Variants in PCSK2 observed in about 807,000 individuals in gnomAD.
PCSK2 encodes the protein neuroendocrine convertase 2.
PCSK2 carries 14 observed loss-of-function variants against 69.7 expected under a neutral mutation model. The ratio of observed to expected loss-of-function variants is 0.20; its 90% confidence interval spans 0.13 to 0.31. The LOEUF (loss-of-function observed/expected upper bound fraction) is 0.31. Among genes scored for constraint, PCSK2 ranks in the 10% least tolerant of loss-of-function variants. The pLI is 1.00. For missense variants in PCSK2, 544 were observed against 842.5 expected (o/e 0.65, Z 4.39); for synonymous variants, 307 against 320.7 (o/e 0.96, Z 0.46).
At chr20:17,424,015 G>T (rs1482270485) in intron 6 of PCSK2, among the ~76,000 whole-genome samples, 2 of 152,320 alleles carry the variant, frequency 1.3e-5, no homozygotes, top group East Asian at 3.9e-4. Context: ...GTAGTACATA[G>T]CCATATAACC....
chr20:17,363,001 A>G (rs986969798), intron 4 of PCSK2, among the ~76,000 whole-genome samples: 2 of 152,208 alleles, frequency 1.3e-5, no homozygotes, highest in Admixed American at 6.5e-5. Context: ...TCTCTTAACG[A>G]CCTGCACGCA....
chr20:17,383,678 C>G (rs1422249498), intron 5 of PCSK2, among the ~76,000 whole-genome samples: 2 of 151,576 alleles, frequency 1.3e-5, no homozygotes, highest in East Asian at 3.9e-4. Flanking sequence ...GGAAAAAAAC[C>G]AACATGAGCA....
intron 2 of PCSK2, among the ~76,000 whole-genome samples, chr20:17,278,830 C>T (rs1295107677): frequency 6.6e-6 from 1 of 151,854 alleles, no homozygotes; most frequent in Non-Finnish European, 1.5e-5. Flanking sequence ...GCCTGGGCAA[C>T]AGAGCAAGAC....
At chr20:17,243,408 C>T (rs1257032788) in intron 1 of PCSK2, among the ~76,000 whole-genome samples, 2 of 152,174 alleles carry the variant, frequency 1.3e-5, no homozygotes, top group African/African-American at 4.8e-5. Context: ...CAATGTTGCC[C>T]AGGCTGGTCT....
At chr20:17,316,006 C>A (rs942242535) in intron 2 of PCSK2, among the ~76,000 whole-genome samples, 1 of 152,214 alleles carries the variant, frequency 6.6e-6, no homozygotes, top group African/African-American at 2.4e-5. Flanking sequence ...GGAGCGAGTG[C>A]GCCACAGAGA....
At position 17,382,339 on chromosome 20, in the gene PCSK2, C is replaced by T. The variant is rs543548366; in HGVS notation, c.543+13062C>T. Among the ~76,000 whole-genome samples, 6 of 152,276 alleles carry T rather than the reference C, an allele frequency of 3.9e-5. No individual in the cohort carries two copies. The South Asian group carries it at 1.2e-3, about 32-fold the overall frequency. On this transcript the variant is annotated intron_variant, in intron 5 of 11. Transcript: ENST00000262545. ...AGCCAGTGAAGTGGGTACTTTCTTA[C>T]CCACCTGTCATAGACGGGAAACTGA...
At chr20:17,346,909 C>T (rs906344200) in intron 2 of PCSK2, among the ~76,000 whole-genome samples, 2 of 152,164 alleles carry the variant, frequency 1.3e-5, no homozygotes, top group African/African-American at 2.4e-5. Context: ...TGCCTTGGCA[C>T]CTCGCTCCAC....
At chr20:17,353,897 A>G (rs2030102491) in intron 2 of PCSK2, among the ~76,000 whole-genome samples, 1 of 152,206 alleles carries the variant, frequency 6.6e-6, no homozygotes. Flanking sequence ...TAACACCTGA[A>G]CAGAAAGACA....
rs2123406692 is a variant in PCSK2, at chr20:17,468,594, A to G, written c.1430+3041A>G. ...CTGCTGTAGACGGGCAGCCTACCAT[A>G]GGTCAGCTCCTCCACGGGCCAGTGT... On this transcript the variant is annotated intron_variant, in intron 11 of 11. Coordinates refer to ENST00000262545, the MANE Select transcript of PCSK2 (RefSeq NM_002594.5). 2.0e-5 allele frequency among the ~76,000 whole-genome samples: 3 copies of G among 146,342 alleles called. No individual in the cohort carries two copies. In the South Asian group the frequency reaches 6.6e-4, roughly 32 times the overall value.
intron 2 of PCSK2, among the ~76,000 whole-genome samples, chr20:17,269,958 A>T (rs996812354): frequency 6.6e-6 from 1 of 152,174 alleles, no homozygotes; most frequent in Non-Finnish European, 1.5e-5. Flanking sequence ...TCAGAAAGAT[A>T]TAGTTTTTAA....
intron 2 of PCSK2, among the ~76,000 whole-genome samples, chr20:17,282,888 A>G (rs1258084087): frequency 6.6e-6 from 1 of 152,170 alleles, no homozygotes; most frequent in South Asian, 2.1e-4. Context: ...GCAGGATTTG[A>G]AGATTATTCA....
At chr20:17,349,467 G>A (rs2029905932) in intron 2 of PCSK2, among the ~76,000 whole-genome samples, 1 of 152,102 alleles carries the variant, frequency 6.6e-6, no homozygotes, top group Non-Finnish European at 1.5e-5. Context: ...GTCACTATCT[G>A]GTGCCCAGCT....
chr20:17,360,656 C>A lies in PCSK2; in HGVS notation c.505+16C>A, dbSNP rs780603801. The A allele has an allele frequency of 6.9e-7, 1 of 1,446,206 alleles. No homozygotes were observed. The highest frequency in any genetic ancestry group is 9.7e-7 in the Non-Finnish European group (1 of 1,030,514). 89.6% of individuals were successfully genotyped at this position (1,446,206 alleles called of 1,614,324 possible). A position where few individuals can be genotyped will look rare whatever the true frequency, so the allele number is the denominator to read the frequency against. Reference sequence around the variant, plus strand: ...ATGGATGATGGTGAGTATTTTGAAGCCTGTGCCTCATTTGGAAATAAGCGT... The same window carrying A: ...ATGGATGATGGTGAGTATTTTGAAGACTGTGCCTCATTTGGAAATAAGCGT... On this transcript the variant is annotated intron_variant, in intron 4 of 11. Transcript: ENST00000262545.
At chr20:17,448,019 C>G (rs1260130779) in intron 8 of PCSK2, among the ~76,000 whole-genome samples, 3 of 152,080 alleles carry the variant, frequency 2.0e-5, no homozygotes. Flanking sequence ...CTTTTATTTC[C>G]TTCATCTTCT....
At chr20:17,467,875 C>A (rs2033128395) in intron 11 of PCSK2, among the ~76,000 whole-genome samples, 2 of 152,198 alleles carry the variant, frequency 1.3e-5, no homozygotes, top group South Asian at 4.1e-4. Context: ...CTAGCTTACA[C>A]CTGTAGAATC....
intron 2 of PCSK2, among the ~76,000 whole-genome samples, chr20:17,346,067 C>T (rs1990643916): frequency 1.3e-5 from 2 of 152,308 alleles, no homozygotes; most frequent in Admixed American, 1.3e-4. Flanking sequence ...TAATGAGGCC[C>T]CCCTCCGGCA....
intron 2 of PCSK2, among the ~76,000 whole-genome samples, chr20:17,284,502 A>T (rs1340935): frequency 0.088 from 13,403 of 152,258 alleles, 722 homozygotes; most frequent in African/African-American, 0.14. Context: ...TTGTCAAAGG[A>T]CAAATTACAA....
intron 7 of PCSK2, among the ~76,000 whole-genome samples, chr20:17,431,415 G>C (rs116096929): frequency 1.3e-5 from 2 of 152,222 alleles, no homozygotes; most frequent in Non-Finnish European, 2.9e-5. Flanking sequence ...CAGGCCAGAG[G>C]ACCCGGTGGG....
chr20:17,463,440 C>T (rs1378954691), intron 10 of PCSK2: 1 of 152,120 alleles, frequency 6.6e-6, no homozygotes, highest in Non-Finnish European at 1.5e-5. Context: ...ACCATATGTC[C>T]AAGACATGTT....
Sources: allele counts gnomAD v4.1 joint callset (sites outside exome capture counted in the v4.1 genomes callset), GRCh38; gene constraint gnomAD v4.1.1; transcripts MANE v1.5; gene names NCBI Gene and HGNC (gene_info 2026-07-23, HGNC 2026-07-21).